The following CBLB variants were observed in gnomAD, a reference collection of about 807,000 sequenced individuals.
CBLB encodes the protein Cbl proto-oncogene B.
Under a neutral mutation model 104.9 loss-of-function variants are expected in CBLB, and 31 were observed. The ratio of observed to expected loss-of-function variants is 0.30; its 90% CI spans 0.22 to 0.40. The LOEUF is 0.40. Ranked by LOEUF, CBLB falls within the 10% of genes least tolerant of loss-of-function variation. The pLI is 1.00. For missense variants in CBLB, 1,062 were observed against 1,214.6 expected, an observed-to-expected ratio of 0.87 and a Z score of 1.87; for synonymous variants, 440 against 422.6, an observed-to-expected ratio of 1.04 and a Z score of -0.51.
chr3:105,778,501 A>C (rs529914899), intron 3 of CBLB, among the ~76,000 whole-genome samples: 1 of 152,172 alleles, frequency 6.6e-6, no homozygotes, highest in African/African-American at 2.4e-5. Context: ...AAGTAGTAAT[A>C]AGAAGAATGC....
intron 3 of CBLB, among the ~76,000 whole-genome samples, chr3:105,793,484 C>A (rs201151194): frequency 0.011 from 1,314 of 117,124 alleles, no homozygotes; most frequent in Non-Finnish European, 0.013. Flanking sequence ...AAATGTTTAA[C>A]AAAAAAAAAA....
intron 3 of CBLB, among the ~76,000 whole-genome samples, chr3:105,794,755 C>A (rs1198184154): frequency 6.6e-6 from 1 of 152,114 alleles, no homozygotes; most frequent in Non-Finnish European, 1.5e-5. Flanking sequence ...ACAGATACCA[C>A]ATAAATACAT....
chr3:105,758,986 T>C (rs1240692189), intron 4 of CBLB, among the ~76,000 whole-genome samples: 1 of 152,230 alleles, frequency 6.6e-6, no homozygotes, highest in Non-Finnish European at 1.5e-5. Context: ...TCAGCCCTGT[T>C]TGTGTTACTG....
chr3:105,667,186 A>C (rs954232602), intron 18 of CBLB, among the ~76,000 whole-genome samples: 1 of 152,200 alleles, frequency 6.6e-6, no homozygotes, highest in African/African-American at 2.4e-5. Flanking sequence ...TTTCAAACAC[A>C]TTTGAGTTGT....
rs1327060911 is a variant in CBLB, at chr3:105,719,352, G to A, written c.1407+695C>T. Among the ~76,000 whole-genome samples, 4 of 152,282 alleles carry A rather than the reference G, an allele frequency of 2.6e-5. No individual in the cohort carries two copies. The East Asian group carries it at 7.7e-4, about 29-fold the overall frequency. On this transcript the variant is annotated intron_variant, in intron 10 of 18. Transcript: ENST00000394030. Reference sequence around the variant, plus strand: ...TCATTATGATGTTTAAAACCAATGAGAGTACCTTGAGGAGAATCTAGTTCT... The same window carrying A: ...TCATTATGATGTTTAAAACCAATGAAAGTACCTTGAGGAGAATCTAGTTCT...
At chr3:105,801,562 C>G (rs1170690502) in intron 3 of CBLB, among the ~76,000 whole-genome samples, 1 of 152,138 alleles carries the variant, frequency 6.6e-6, no homozygotes, top group Non-Finnish European at 1.5e-5. Context: ...ATGTGCTTAC[C>G]CACATCACTG....
At chr3:105,861,716 C>T (rs1224240807) in intron 2 of CBLB, among the ~76,000 whole-genome samples, 4 of 147,610 alleles carry the variant, frequency 2.7e-5, no homozygotes, top group Admixed American at 6.9e-5. Flanking sequence ...CATACATACA[C>T]ACACACACAC....
intron 3 of CBLB, among the ~76,000 whole-genome samples, chr3:105,840,057 T>C (rs1196212945): frequency 2.0e-5 from 3 of 152,152 alleles, no homozygotes; most frequent in South Asian, 2.1e-4. Context: ...AGAATAAAAT[T>C]GACAGCTCCA....
In CBLB at chr3:105,727,123, A is replaced by G. The variant is rs572754829; in HGVS notation, c.1204-6873T>C. The stretch of plus-strand genomic sequence containing the variant: ...TCTGACTCTAGATCCTTGAGGAATC[A>G]CCACACCATCTTCCACAATGGTTGA... On this transcript the variant is annotated intron_variant, in intron 9 of 18. Coordinates refer to ENST00000394030, the MANE Select transcript of CBLB (RefSeq NM_170662.5). 1.6e-3 allele frequency among the ~76,000 whole-genome samples: 241 copies of G among 152,310 alleles called. 1 individual carries two copies. The highest frequency in any genetic ancestry group is 4.4e-3 in the African/African-American group (182 of 41,564).
intron 10 of CBLB, among the ~76,000 whole-genome samples, chr3:105,718,740 CT>C (rs1236329773): frequency 6.6e-6 from 1 of 152,200 alleles, no homozygotes; most frequent in Non-Finnish European, 1.5e-5. Flanking sequence ...AGTATCATGA[CT>C]GATTAGCCAT....
chr3:105,774,044 A>G (rs2079177123), intron 4 of CBLB, among the ~76,000 whole-genome samples: 1 of 152,218 alleles, frequency 6.6e-6, no homozygotes, highest in South Asian at 2.1e-4. Flanking sequence ...TGCCATTGCG[A>G]CTGTATTAAG....
intron 10 of CBLB, among the ~76,000 whole-genome samples, chr3:105,708,608 C>T (rs1024393032): frequency 6.6e-6 from 1 of 151,886 alleles, no homozygotes; most frequent in Non-Finnish European, 1.5e-5. Flanking sequence ...CACAGATCTC[C>T]TATATTTAAA....
rs1292396091 is a variant in CBLB, at chr3:105,708,655, TTATAA to T, written c.1408-4487_1408-4483del. On this transcript the variant is annotated intron_variant, in intron 10 of 18. Transcript: ENST00000394030. ...CAAATTGCTTATATTTAAATTTCAG[TTATAA>T]TATAAAGAGGCCATGCAGTCTTGAA... Among the ~76,000 whole-genome samples the T allele has an allele frequency of 3.9e-5, 6 of 152,104 alleles. 1 individual carries two copies. Among genetic ancestry groups the T allele is most frequent in the African/African-American group, 7.2e-5 (3 of 41,556 alleles).
At chr3:105,830,736 G>C (rs770214326) in intron 3 of CBLB, among the ~76,000 whole-genome samples, 2 of 152,200 alleles carry the variant, frequency 1.3e-5, no homozygotes, top group Non-Finnish European at 1.5e-5. Flanking sequence ...CTTATCTAAA[G>C]AGTAGCCTAA....
intron 3 of CBLB, among the ~76,000 whole-genome samples, chr3:105,833,399 G>A (rs931080543): frequency 6.6e-6 from 1 of 152,078 alleles, no homozygotes; most frequent in Admixed American, 6.6e-5. Flanking sequence ...AGACAGACAG[G>A]CTTATTAATT....
At chr3:105,812,546 T>G (rs2084448915) in intron 3 of CBLB, among the ~76,000 whole-genome samples, 1 of 152,162 alleles carries the variant, frequency 6.6e-6, no homozygotes, top group South Asian at 2.1e-4. Context: ...GAGGAAGAAA[T>G]GACAGCTCCA....
chr3:105,849,234 A>G (rs2090652126), intron 3 of CBLB, among the ~76,000 whole-genome samples: 1 of 152,170 alleles, frequency 6.6e-6, no homozygotes, highest in African/African-American at 2.4e-5. Flanking sequence ...TGTACCAAGA[A>G]TGGTACATTA....
intron 4 of CBLB, among the ~76,000 whole-genome samples, chr3:105,776,122 C>A (rs1577085303): frequency 6.6e-6 from 1 of 152,232 alleles, no homozygotes; most frequent in East Asian, 1.9e-4. Context: ...TGTATAAAGA[C>A]TCTTACATAC....
rs182248565 is a variant in CBLB at position 105,858,880 on chromosome 3, A to G, written c.169-5216T>C. On this transcript the variant is annotated intron_variant, in intron 2 of 18. Coordinates refer to ENST00000394030, the MANE Select transcript of CBLB (RefSeq NM_170662.5). ...TTAAATGTATTAGAAATATTTAAGG[A>G]GACTCTCTCTGTACATGCATTGTTT... 1.2e-3 allele frequency among the ~76,000 whole-genome samples: 185 copies of G among 152,296 alleles called. 1 individual carries two copies. Among genetic ancestry groups the G allele is most frequent in the Non-Finnish European group, 2.9e-4 (20 of 68,022 alleles).
Sources: gnomAD v4.1 joint callset for allele counts (sites outside exome capture counted in the v4.1 genomes callset) on GRCh38, gnomAD v4.1.1 for gene constraint, MANE v1.5 for transcripts, NCBI Gene and HGNC (gene_info 2026-07-23, HGNC 2026-07-21) for gene names.